NEBL: variants seen among roughly 807,000 people sequenced by gnomAD.
NEBL encodes the protein LIM and SH3 protein 2.
Under a neutral mutation model 140.2 loss-of-function variants are expected in NEBL, and 122 were observed. The observed-to-expected ratio is 0.87, with a 90% CI of 0.75 to 1.01. The LOEUF (loss-of-function observed/expected upper bound fraction) is 1.01, where lower values mean the gene tolerates loss of function less well. Ranked by LOEUF, NEBL falls within the 50% of genes least tolerant of loss-of-function variation. NEBL has a pLI of 0.00. For missense variants in NEBL, 1,365 were observed against 1,231.3 expected, an observed-to-expected ratio of 1.11 and a Z score of -1.62; for synonymous variants, 436 against 398.9, an observed-to-expected ratio of 1.09 and a Z score of -1.11.
chr10:20,886,891 G>T (rs1846570493), intron 4 of NEBL, among the ~76,000 whole-genome samples: 1 of 152,130 alleles, frequency 6.6e-6, no homozygotes, highest in African/African-American at 2.4e-5. Context: ...TCCTTAGAAA[G>T]AAAATTTTAA....
intron 9 of NEBL, among the ~76,000 whole-genome samples, chr10:20,853,342 T>G (rs1282074612): frequency 6.6e-6 from 1 of 152,188 alleles, no homozygotes; most frequent in Non-Finnish European, 1.5e-5. Context: ...GATGCCAAGT[T>G]TGGCCACTGA....
intron 3 of NEBL, among the ~76,000 whole-genome samples, chr10:20,998,322 T>C (rs1178838863): frequency 2.0e-5 from 3 of 152,126 alleles, no homozygotes; most frequent in East Asian, 1.9e-4. Flanking sequence ...AGAACAATCA[T>C]GCTAACCTAA....
chr10:20,936,849 G>A (rs74120565), intron 4 of NEBL, among the ~76,000 whole-genome samples: 1 of 152,136 alleles, frequency 6.6e-6, no homozygotes, highest in Admixed American at 6.5e-5. Flanking sequence ...ATAAGCTTGG[G>A]TCGATTCCTT....
chr10:21,244,522 G>A (rs1489506302), intron 3 of NEBL, among the ~76,000 whole-genome samples: 2 of 151,172 alleles, frequency 1.3e-5, no homozygotes, highest in Admixed American at 6.6e-5. Flanking sequence ...CATGGTGGCC[G>A]GCGCCTGTAA....
In NEBL at chr10:21,069,956, C is replaced by T. The variant is rs375959480; in HGVS notation, c.165-49755G>A. The T allele has an allele frequency of 3.6e-3, 1,618 of 455,774 alleles. 33 individuals carry two copies. The highest frequency in any genetic ancestry group is 0.023 in the South Asian group (1,500 of 64,434). The allele number at this position is 455,774 out of a possible 1,614,324, so 28.2% of individuals were successfully genotyped here. On this transcript the variant is annotated intron_variant, in intron 2 of 6. Coordinates refer to the NEBL transcript ENST00000417816. ...AATATCCCCTATCATGTACTTACAG[C>T]GGCTTAGGGACTGCGCCCCTGGAGC...
Position 20,780,531 on chromosome 10 carries a change from G to A in NEBL, c.*5216C>T, listed in dbSNP as rs948173256. ...ACACACCTCTGATGCGATTTGATGT[G>A]AGTTGTCATGTTAAATCTCAGACCC... On this transcript the variant is annotated 3_prime_UTR_variant, in exon 28 of 28. Coordinates refer to ENST00000377122, the MANE Select transcript of NEBL (RefSeq NM_006393.3). 5 of 152,154 alleles carry A rather than the reference G, an allele frequency of 3.3e-5. No homozygotes were observed. Among genetic ancestry groups the A allele is most frequent in the African/African-American group, 1.2e-4 (5 of 41,432 alleles). 9.4% of individuals were successfully genotyped at this position (152,154 alleles called of 1,614,324 possible).
chr10:21,095,127 C>T (rs112386700), intron 2 of NEBL, among the ~76,000 whole-genome samples: 1 of 152,172 alleles, frequency 6.6e-6, no homozygotes, highest in Non-Finnish European at 1.5e-5. Context: ...TCAGACCAAC[C>T]AACCATATCA....
intron 3 of NEBL, among the ~76,000 whole-genome samples, chr10:21,222,137 G>A (rs772114120): frequency 2.6e-5 from 4 of 151,962 alleles, no homozygotes; most frequent in Non-Finnish European, 4.4e-5. Flanking sequence ...AAAATGAAGA[G>A]GTGCTTTCAA....
chr10:21,012,564 T>G (rs1261261579), intron 3 of NEBL, among the ~76,000 whole-genome samples: 1 of 151,916 alleles, frequency 6.6e-6, no homozygotes, highest in African/African-American at 2.4e-5. Flanking sequence ...GCAAACACAA[T>G]GGTTTCCCTA....
chr10:21,000,140 C>A (rs1837833003), intron 3 of NEBL, among the ~76,000 whole-genome samples: 1 of 135,676 alleles, frequency 7.4e-6, no homozygotes, highest in Non-Finnish European at 1.5e-5. Flanking sequence ...GCCACTAGGG[C>A]AAGGAAAAAG....
At chr10:20,931,631 C>T (rs960044559) in intron 4 of NEBL, among the ~76,000 whole-genome samples, 2 of 152,130 alleles carry the variant, frequency 1.3e-5, no homozygotes, top group East Asian at 1.9e-4. Flanking sequence ...CAATCCCAGA[C>T]GCTGGAGTTT....
chr10:21,094,237 T>G (rs557071976), intron 2 of NEBL, among the ~76,000 whole-genome samples: 130 of 152,232 alleles, frequency 8.5e-4, no homozygotes, highest in Non-Finnish European at 1.5e-3. Context: ...AGACGGTGGC[T>G]CACGCCTGTA....
At chr10:20,791,536 T>C (rs1382813483) in intron 26 of NEBL, among the ~76,000 whole-genome samples, 3 of 151,962 alleles carry the variant, frequency 2.0e-5, no homozygotes, top group Admixed American at 6.6e-5. Flanking sequence ...CCCAAGTAGC[T>C]GGACATACGC....
chr10:21,186,990 G>A (rs1188972991), intron 3 of NEBL, among the ~76,000 whole-genome samples: 1 of 50,392 alleles, frequency 2.0e-5, no homozygotes, highest in South Asian at 4.8e-4. Flanking sequence ...AACTCTGTAT[G>A]TGTGTGTGTG....
At chr10:21,266,648 T>TG (rs1446731191) in intron 1 of NEBL, among the ~76,000 whole-genome samples, 6 of 152,220 alleles carry the variant, frequency 3.9e-5, no homozygotes, top group Admixed American at 1.3e-4. Flanking sequence ...CGGTGCTCCC[T>TG]GGGGGGACTC....
At chr10:21,274,313 G>C (rs763557221) in intron 1 of NEBL, among the ~76,000 whole-genome samples, 2 of 152,202 alleles carry the variant, frequency 1.3e-5, no homozygotes, top group African/African-American at 2.4e-5. Flanking sequence ...CTTCCCAAAA[G>C]CTTAACTACT....
chr10:21,174,722 C>T (rs564333726), upstream of NEBL: 8 of 152,346 alleles, frequency 5.3e-5, no homozygotes, highest in South Asian at 4.1e-4. Flanking sequence ...GCACCGCGCC[C>T]GCTCCCACGG....
chr10:20,806,576 A>T (rs1436193883), intron 26 of NEBL, among the ~76,000 whole-genome samples: 1 of 152,194 alleles, frequency 6.6e-6, no homozygotes, highest in Admixed American at 6.5e-5. Flanking sequence ...TGTAGCCCTC[A>T]TTCCACCCCG....
intron 4 of NEBL, among the ~76,000 whole-genome samples, chr10:20,923,870 G>A (rs1422744776): frequency 6.6e-6 from 1 of 151,696 alleles, no homozygotes; most frequent in Non-Finnish European, 1.5e-5. Context: ...GAACCCAGCA[G>A]GAATAAAAGG....
Sources: gnomAD v4.1 joint callset for allele counts (sites outside exome capture counted in the v4.1 genomes callset) on GRCh38, gnomAD v4.1.1 for gene constraint, MANE v1.5 for transcripts, NCBI Gene and HGNC (gene_info 2026-07-23, HGNC 2026-07-21) for gene names.